Variants in COL22A1 observed in about 807,000 individuals in gnomAD.
The protein encoded by COL22A1 is collagen type XXII alpha 1 chain.
Under a neutral mutation model 248.9 loss-of-function variants are expected in COL22A1, and 221 were observed. That is an observed-to-expected ratio of 0.89 (90% CI 0.80 to 0.99). The LOEUF is 0.99. Ranked by LOEUF, COL22A1 falls within the 50% of genes least tolerant of loss-of-function variation. The pLI is 0.00. For synonymous variants in COL22A1, 891 were observed against 793.4 expected (o/e 1.12, Z -2.07); for missense variants, 2,240 against 2,179.0 (o/e 1.03, Z -0.56).
intron 3 of COL22A1, among the ~76,000 whole-genome samples, chr8:138,876,643 C>A (rs1247831022): frequency 2.0e-5 from 3 of 152,234 alleles, no homozygotes; most frequent in Admixed American, 6.5e-5. Flanking sequence ...TGTTTTCTCA[C>A]TGGGCTGCAA....
At chr8:138,881,204 C>A (rs1269691092) in intron 2 of COL22A1, among the ~76,000 whole-genome samples, 1 of 149,874 alleles carries the variant, frequency 6.7e-6, no homozygotes, top group African/African-American at 2.5e-5. Context: ...TTGGGGTTGG[C>A]TAGATGGGCA....
chr8:138,885,559 G>A (rs936460509), intron 1 of COL22A1, among the ~76,000 whole-genome samples: 20 of 150,992 alleles, frequency 1.3e-4, no homozygotes, highest in Admixed American at 5.9e-4. Context: ...AAATGCCAAC[G>A]TATCACACAG....
chr8:138,650,281 T>A (rs946566679), intron 45 of COL22A1, among the ~76,000 whole-genome samples: 1 of 152,214 alleles, frequency 6.6e-6, no homozygotes, highest in African/African-American at 2.4e-5. Context: ...GCACACACCC[T>A]TGGGACTTTG....
At chr8:138,685,106 G>T in intron 38 of COL22A1, 102 bp downstream of exon 38, 1 of 838,610 alleles carries the variant, frequency 1.2e-6, no homozygotes, top group Non-Finnish European at 2.0e-6. Flanking sequence ...CATTGGCCAC[G>T]GTTCAATTTC....
intron 41 of COL22A1, among the ~76,000 whole-genome samples, chr8:138,675,528 C>T (rs1164126750): frequency 1.3e-5 from 2 of 152,098 alleles, no homozygotes; most frequent in Non-Finnish European, 2.9e-5. Flanking sequence ...ATAGTAACAA[C>T]AACAATAATA....
At chr8:138,788,212 G>A (rs1294342475) in intron 12 of COL22A1, among the ~76,000 whole-genome samples, 1 of 152,110 alleles carries the variant, frequency 6.6e-6, no homozygotes, top group African/African-American at 2.4e-5. Flanking sequence ...TCTGGGAGTG[G>A]GGTCCAGCCT....
chr8:138,808,329 T>C lies in COL22A1; in HGVS notation c.1450-517A>G, dbSNP rs116713557. On this transcript the variant is annotated intron_variant, in intron 9 of 64. Transcript: ENST00000303045. ...CATCACTTTGTACCCCATAAATATA[T>C]GCAATTATATAGTTTGTCAATACCC... Among the ~76,000 whole-genome samples the C allele has an allele frequency of 8.9e-4, 135 of 152,288 alleles. 1 individual carries two copies. The highest frequency in any genetic ancestry group is 3.1e-3 in the African/African-American group (128 of 41,560).
intron 16 of COL22A1, among the ~76,000 whole-genome samples, chr8:138,770,163 C>G (rs939461796): frequency 6.6e-6 from 1 of 152,180 alleles, no homozygotes; most frequent in Non-Finnish European, 1.5e-5. Context: ...TGAGGCCCCT[C>G]CTTGCTCTGA....
chr8:138,645,258 GA>G (rs557743105), intron 47 of COL22A1, among the ~76,000 whole-genome samples: 25 of 152,234 alleles, frequency 1.6e-4, no homozygotes, highest in African/African-American at 6.0e-4. Context: ...GGACCACTCA[GA>G]ACGTGCTTAT....
chr8:138,680,720 G>A (rs150968372), intron 39 of COL22A1, among the ~76,000 whole-genome samples: 5 of 152,168 alleles, frequency 3.3e-5, no homozygotes, highest in South Asian at 4.2e-4. Context: ...TTCTTCCTCC[G>A]GCTGAGCAAC....
chr8:138,817,933 C>T (rs1044789995), intron 7 of COL22A1, among the ~76,000 whole-genome samples: 3 of 152,188 alleles, frequency 2.0e-5, no homozygotes, highest in Admixed American at 2.0e-4. Flanking sequence ...TTTTGTTTAA[C>T]TCAAAGGCTA....
At chr8:138,669,200 A>G (rs1824793062) in intron 41 of COL22A1, among the ~76,000 whole-genome samples, 1 of 152,120 alleles carries the variant, frequency 6.6e-6, no homozygotes, top group Admixed American at 6.6e-5. Flanking sequence ...AACAGACCAG[A>G]GGCCAGAGGC....
intron 41 of COL22A1, among the ~76,000 whole-genome samples, chr8:138,671,493 C>T (rs575796663): frequency 2.6e-5 from 4 of 152,352 alleles, no homozygotes; most frequent in South Asian, 2.1e-4. Flanking sequence ...TGCTTAAATG[C>T]TGCGTGATTC....
At chr8:138,837,301 C>T (rs1820512693) in intron 4 of COL22A1, among the ~76,000 whole-genome samples, 1 of 152,212 alleles carries the variant, frequency 6.6e-6, no homozygotes, top group African/African-American at 2.4e-5. Context: ...GGAGCAGCCG[C>T]CACACCTACC....
chr8:138,716,932 TC>T, intron 27 of COL22A1, 63 bp from the exon 28 acceptor site: 1 of 1,228,492 alleles, frequency 8.1e-7, no homozygotes, highest in Non-Finnish European at 1.2e-6. Context: ...GACTGCCATT[TC>T]CCAGTTGTCC....
intron 47 of COL22A1, among the ~76,000 whole-genome samples, chr8:138,644,695 G>T (rs1172854021): frequency 1.3e-5 from 2 of 152,138 alleles, no homozygotes; most frequent in Non-Finnish European, 2.9e-5. Context: ...TTGAACACAT[G>T]ACCCATTATG....
intron 30 of COL22A1, among the ~76,000 whole-genome samples, chr8:138,711,797 A>C (rs1828989779): frequency 6.6e-6 from 1 of 152,184 alleles, no homozygotes; most frequent in Non-Finnish European, 1.5e-5. Flanking sequence ...ATGCAGGAGG[A>C]GGAAGGATGC....
chr8:138,680,962 C>T lies in COL22A1; in HGVS notation c.3013-1286G>A, dbSNP rs573929850. Among the ~76,000 whole-genome samples, 5 of 152,322 alleles carry T rather than the reference C, an allele frequency of 3.3e-5. No homozygotes were observed. The South Asian group carries it at 1.0e-3, about 32-fold the overall frequency. On this transcript the variant is annotated intron_variant, in intron 39 of 64. Coordinates refer to ENST00000303045, the MANE Select transcript of COL22A1 (RefSeq NM_152888.3). ...TTGAAACTGATTGGTCAACTGGACC[C>T]ATGTCAGGGATGTCTGCACTCTTCC... is the stretch of plus-strand genomic sequence containing the variant.
At chr8:138,672,874 C>G (rs1014056657) in intron 41 of COL22A1, among the ~76,000 whole-genome samples, 2 of 152,230 alleles carry the variant, frequency 1.3e-5, no homozygotes, top group Non-Finnish European at 2.9e-5. Flanking sequence ...CTTATCTTCA[C>G]AAACCCCAGC....
Sources: gnomAD v4.1 joint callset for allele counts (sites outside exome capture counted in the v4.1 genomes callset) on GRCh38, gnomAD v4.1.1 for gene constraint, MANE v1.5 for transcripts, NCBI Gene and HGNC (gene_info 2026-07-23, HGNC 2026-07-21) for gene names.